The following SNX29 variants were observed in gnomAD, a reference collection of about 807,000 sequenced individuals.
The protein encoded by SNX29 is sorting nexin-29.
A neutral mutation model predicts 102.1 loss-of-function variants in SNX29; 78 were observed. The observed-to-expected ratio is 0.76, with a 90% CI of 0.64 to 0.92. The LOEUF (loss-of-function observed/expected upper bound fraction) is 0.92, where lower values mean the gene tolerates loss of function less well. Ranked by LOEUF, SNX29 falls within the 40% of genes least tolerant of loss-of-function variation. The pLI is 0.00. For synonymous variants in SNX29, 580 were observed against 414.5 expected (o/e 1.40, Z -4.85); for missense variants, 1,280 against 1,061.7 (o/e 1.21, Z -2.86).
At chr16:12,502,649 G>A (rs923996238) in intron 19 of SNX29, among the ~76,000 whole-genome samples, 5 of 152,196 alleles carry the variant, frequency 3.3e-5, no homozygotes, top group Admixed American at 1.3e-4. Flanking sequence ...CCTGGGGTCT[G>A]AGGATGAAAT....
At chr16:12,039,104 C>A (rs550942727) in intron 4 of SNX29, among the ~76,000 whole-genome samples, 37 of 152,294 alleles carry the variant, frequency 2.4e-4, no homozygotes, top group South Asian at 1.9e-3. Context: ...TTGGCTTGAT[C>A]CACAAATACT....
chr16:12,433,402 G>A (rs1254406532), intron 18 of SNX29, among the ~76,000 whole-genome samples: 1 of 152,072 alleles, frequency 6.6e-6, no homozygotes, highest in East Asian at 1.9e-4. Context: ...AGGCTGAGGT[G>A]GGTGGACCAC....
chr16:12,066,304 G>A (rs1213826973), intron 9 of SNX29, among the ~76,000 whole-genome samples: 10 of 152,158 alleles, frequency 6.6e-5, no homozygotes, highest in African/African-American at 2.4e-4. Flanking sequence ...CAGTGGACAC[G>A]ACTTGTGAGC....
chr16:12,217,219 G>A (rs536865881), intron 14 of SNX29, among the ~76,000 whole-genome samples: 23 of 152,098 alleles, frequency 1.5e-4, no homozygotes, highest in Non-Finnish European at 2.8e-4. Flanking sequence ...AGGGTCTCAC[G>A]ATGTTTCCCA....
chr16:12,238,813 T>A (rs571392307), intron 14 of SNX29, among the ~76,000 whole-genome samples: 6 of 152,350 alleles, frequency 3.9e-5, no homozygotes, highest in African/African-American at 1.4e-4. Flanking sequence ...AGTGCAGAGC[T>A]GTCGAGTGTC....
In SNX29 at chr16:12,572,586, G is replaced by A. The variant is rs2079210802; in HGVS notation, c.*3957G>A. 1.9e-6 allele frequency: 2 copies of A among 1,063,834 alleles called. No homozygotes were observed. The highest frequency in any genetic ancestry group is 2.3e-6 in the Non-Finnish European group (2 of 878,386). The allele number at this position is 1,063,834 out of a possible 1,614,324, so 65.9% of individuals were successfully genotyped here. ...AGGGAGGTCCAGCCATGTTCTCTGG[G>A]CTCCCAGTGAGCCCCCTCCCCTCCG... On this transcript the variant is annotated 3_prime_UTR_variant, in exon 21 of 21. Transcript: ENST00000566228.
At chr16:12,393,883 T>A (rs997506266) in intron 16 of SNX29, among the ~76,000 whole-genome samples, 9 of 152,232 alleles carry the variant, frequency 5.9e-5, no homozygotes, top group Non-Finnish European at 1.3e-4. Flanking sequence ...AGAGGCTGGT[T>A]GTCATGAGGT....
intron 11 of SNX29, among the ~76,000 whole-genome samples, chr16:12,080,251 GAAGA>G (rs1474246001): frequency 1.3e-5 from 2 of 152,202 alleles, no homozygotes; most frequent in Non-Finnish European, 2.9e-5. Flanking sequence ...GCTAAGGAAG[GAAGA>G]AAGAGTTTGG....
At position 12,569,812 on chromosome 16, in the gene SNX29, G is replaced by T. The variant is rs1567227556; in HGVS notation, c.*1183G>T. On this transcript the variant is annotated 3_prime_UTR_variant, in exon 21 of 21. Transcript: ENST00000566228. ...GTCCTCAGATGCTCAGCAAAGTTGTGGCAGTTTGCATTTCTAGGGTAAACT... is the reference window on the plus strand; with the variant it reads ...GTCCTCAGATGCTCAGCAAAGTTGTTGCAGTTTGCATTTCTAGGGTAAACT... 4 of 230,298 alleles carry T rather than the reference G, an allele frequency of 1.7e-5. No individual in the cohort carries two copies. In the East Asian group the frequency reaches 1.8e-4, roughly 11 times the overall value. 14.3% of individuals were successfully genotyped at this position (230,298 alleles called of 1,614,324 possible).
intron 13 of SNX29, among the ~76,000 whole-genome samples, chr16:12,133,571 A>G (rs1182299201): frequency 2.0e-5 from 3 of 152,110 alleles, no homozygotes; most frequent in African/African-American, 7.2e-5. Context: ...GATTACAGGC[A>G]TGAGCCACTG....
intron 14 of SNX29, among the ~76,000 whole-genome samples, chr16:12,230,789 G>C (rs1343628614): frequency 1.3e-5 from 2 of 152,018 alleles, no homozygotes; most frequent in African/African-American, 4.8e-5. Flanking sequence ...TGACTCTTAA[G>C]AATAAAAATG....
At chr16:12,355,691 C>G (rs187525470) in intron 15 of SNX29, among the ~76,000 whole-genome samples, 2 of 152,048 alleles carry the variant, frequency 1.3e-5, no homozygotes, top group East Asian at 3.9e-4. Context: ...CTGAGAATAT[C>G]GAATAATTCA....
intron 6 of SNX29, among the ~76,000 whole-genome samples, chr16:12,046,697 G>T (rs1158916617): frequency 6.6e-6 from 1 of 152,206 alleles, no homozygotes; most frequent in Non-Finnish European, 1.5e-5. Context: ...TCGGCTCACT[G>T]CAACCTCCGC....
At chr16:12,191,212 GGAGA>G (rs1042900654) in intron 13 of SNX29, among the ~76,000 whole-genome samples, 16 of 152,184 alleles carry the variant, frequency 1.1e-4, no homozygotes, top group African/African-American at 3.9e-4. Flanking sequence ...TGATCTGACA[GGAGA>G]GAGAGTTCAG....
At chr16:12,517,907 G>C (rs979217124) in intron 19 of SNX29, among the ~76,000 whole-genome samples, 3 of 152,142 alleles carry the variant, frequency 2.0e-5, no homozygotes, top group African/African-American at 7.2e-5. Flanking sequence ...GGACATCCCA[G>C]ATGAAGACAG....
chr16:11,999,305 A>C lies in SNX29; in HGVS notation c.16A>C (p.Asn6His). The change falls in exon 2 of 21, where the codon AAC becomes CAC. Residue 6 changes from asparagine (N) to histidine (H), a missense_variant. Physicochemically the swap from Asn to His is moderately conservative, Grantham distance 68 (BLOSUM62 1). Transcript: ENST00000566228. ...GCCTCATTGCATTTTAGGATCACAG[A>C]ACAATGACAAAAGACAATTTCTGCT... MSGSQNNDKRQFLLER... is the reference protein window; with the variant it reads MSGSQHNDKRQFLLER... The C allele has an allele frequency of 6.2e-7, 1 of 1,614,124 alleles. No homozygotes were observed. Among genetic ancestry groups the C allele is most frequent in the Non-Finnish European group, 8.5e-7 (1 of 1,179,978 alleles).
chr16:12,505,949 A>G (rs2089358706), intron 19 of SNX29, among the ~76,000 whole-genome samples: 1 of 151,938 alleles, frequency 6.6e-6, no homozygotes, highest in South Asian at 2.1e-4. Flanking sequence ...TATAGAGTAC[A>G]GGTTTCAGAT....
intron 14 of SNX29, 32 bp downstream of exon 14, chr16:12,199,715 G>A (rs2076866554): frequency 6.3e-7 from 1 of 1,593,294 alleles, no homozygotes; most frequent in Admixed American, 1.7e-5. Context: ...GGTTGGGAGG[G>A]GCCGGGCTTT....
chr16:12,443,966 C>T (rs541051044), intron 18 of SNX29, among the ~76,000 whole-genome samples: 2 of 152,290 alleles, frequency 1.3e-5, no homozygotes, highest in East Asian at 1.9e-4. Flanking sequence ...ACGTAATAAG[C>T]ACTCAGTATA....
Sources: gnomAD v4.1 joint callset for allele counts (sites outside exome capture counted in the v4.1 genomes callset) on GRCh38, gnomAD v4.1.1 for gene constraint, MANE v1.5 for transcripts, NCBI Gene and HGNC (gene_info 2026-07-23, HGNC 2026-07-21) for gene names.